Variants in PACC1 observed in about 807,000 individuals in gnomAD.
PACC1 encodes the protein proton activated chloride channel 1.
A neutral mutation model predicts 39.7 loss-of-function variants in PACC1; 34 were observed. The ratio of observed to expected loss-of-function variants is 0.86; its 90% CI spans 0.65 to 1.14. The LOEUF is 1.14. Ranked by LOEUF, PACC1 falls within the 50% of genes most tolerant of loss-of-function variation. The pLI, the probability that PACC1 is intolerant of heterozygous loss-of-function variation, is 0.00. For synonymous variants in PACC1, 127 were observed against 160.6 expected (o/e 0.79, Z 1.58); for missense variants, 379 against 436.4 (o/e 0.87, Z 1.17).
Position 212,385,133 on chromosome 1 carries a change from C to T in PACC1, c.495+141G>A. On this transcript the variant is annotated intron_variant, in intron 4 of 7. Transcript: ENST00000261455. Reference sequence around the variant, plus strand: ...ACCACAGCCAAGTGTCCACATGGCACAGCCGCATGTCTCCTTGGGGACTAA... The same window carrying T: ...ACCACAGCCAAGTGTCCACATGGCATAGCCGCATGTCTCCTTGGGGACTAA... 5.3e-6 allele frequency: 5 copies of T among 946,128 alleles called. No homozygotes were observed. The South Asian group carries it at 8.0e-5, about 15-fold the overall frequency. The allele number at this position is 946,128 out of a possible 1,614,324, so 58.6% of individuals were successfully genotyped here.
chr1:212,381,165 TG>T (rs1660865093), intron 4 of PACC1, among the ~76,000 whole-genome samples: 1 of 152,200 alleles, frequency 6.6e-6, no homozygotes, highest in African/African-American at 2.4e-5. Flanking sequence ...TGCTCTAAAG[TG>T]ATGGTATTTT....
At chr1:212,392,299 AG>A (rs2102511735) in intron 2 of PACC1, among the ~76,000 whole-genome samples, 1 of 152,392 alleles carries the variant, frequency 6.6e-6, no homozygotes, top group East Asian at 1.9e-4. Flanking sequence ...ACATTCTTAA[AG>A]AAAAGAATTT....
At chr1:212,412,586 G>C (rs995457785) in intron 1 of PACC1, among the ~76,000 whole-genome samples, 1 of 152,248 alleles carries the variant, frequency 6.6e-6, no homozygotes, top group Non-Finnish European at 1.5e-5. Flanking sequence ...ACAGGCCTCT[G>C]AAGAAGGCAA....
chr1:212,412,109 C>A (rs1045936939), intron 1 of PACC1, among the ~76,000 whole-genome samples: 6 of 151,772 alleles, frequency 4.0e-5, no homozygotes, highest in Non-Finnish European at 5.9e-5. Context: ...CCATTGCACT[C>A]CAGTCTGAGT....
chr1:212,403,534 C>A (rs1661791291), intron 2 of PACC1, among the ~76,000 whole-genome samples: 1 of 152,186 alleles, frequency 6.6e-6, no homozygotes, highest in Non-Finnish European at 1.5e-5. Flanking sequence ...GCCATCTCGA[C>A]TTCAACTGAC....
intron 1 of PACC1, among the ~76,000 whole-genome samples, 165 bp downstream of exon 1, chr1:212,414,557 G>C (rs1388342876): frequency 1.3e-5 from 2 of 152,142 alleles, no homozygotes; most frequent in African/African-American, 2.4e-5. Context: ...CCTGCCCCTG[G>C]GCCGCTCCTC....
At position 212,364,470 on chromosome 1, in the gene PACC1, C is replaced by G. The variant is rs1482291878; in HGVS notation, c.*745G>C. ...TTGAGCAGATATTCATATTGTCACA[C>G]TCGTTCCTTTTGTATTAACTTTTAT... On this transcript the variant is annotated 3_prime_UTR_variant, in exon 8 of 8. Transcript: ENST00000261455. 6.6e-6 allele frequency: 1 copy of G among 152,528 alleles called. No individual in the cohort carries two copies. Among genetic ancestry groups the G allele is most frequent in the Non-Finnish European group, 1.5e-5 (1 of 68,036 alleles). 9.4% of individuals were successfully genotyped at this position (152,528 alleles called of 1,614,324 possible).
intron 7 of PACC1, among the ~76,000 whole-genome samples, chr1:212,373,004 A>G (rs1660514101): frequency 6.6e-6 from 1 of 152,170 alleles, no homozygotes; most frequent in African/African-American, 2.4e-5. Context: ...TAGAAAAAAA[A>G]TCCTAAATTT....
rs929376369 is a variant in PACC1 at position 212,393,971 on chromosome 1, G to C, written c.134-6871C>G. ...TAGCTTACCAACCAAAAAAAGTCCA[G>C]GACCAGATGGATTCACAGCCGAATT... On this transcript the variant is annotated intron_variant, in intron 2 of 7. Coordinates refer to ENST00000261455, the MANE Select transcript of PACC1 (RefSeq NM_018252.3). 3.3e-5 allele frequency among the ~76,000 whole-genome samples: 5 copies of C among 151,884 alleles called. No individual in the cohort carries two copies. The East Asian group carries it at 7.7e-4, about 23-fold the overall frequency.
At position 212,414,798 on chromosome 1, in the gene PACC1, CCCGCGGCGCACGGACGCAGCACTGCGG is replaced by C. The variant is rs780229367; in HGVS notation, c.-68_-42del. 12 of 1,608,254 alleles carry C rather than the reference CCCGCGGCGCACGGACGCAGCACTGCGG, an allele frequency of 7.5e-6. No individual in the cohort carries two copies. In the East Asian group the frequency reaches 2.7e-4, roughly 36 times the overall value. On this transcript the variant is annotated 5_prime_UTR_variant, in exon 1 of 8. Transcript: ENST00000261455. ...TTCGGCACACCTGAGACCGCCCCAG[CCCGCGGCGCACGGACGCAGCACTGCGG>C]CCGCTGCACCTGGACCTACCGGCTC...
chr1:212,384,086 G>C (rs1201521805), intron 4 of PACC1, among the ~76,000 whole-genome samples: 1 of 152,098 alleles, frequency 6.6e-6, no homozygotes, highest in East Asian at 1.9e-4. Context: ...CATCTGTTTT[G>C]GGTTAGGGAT....
intron 4 of PACC1, among the ~76,000 whole-genome samples, chr1:212,381,606 T>C (rs1316697083): frequency 5.9e-5 from 9 of 151,710 alleles, no homozygotes; most frequent in Non-Finnish European, 1.3e-4. Context: ...AGGGGACTCA[T>C]TCAACTCCAC....
intron 2 of PACC1, among the ~76,000 whole-genome samples, chr1:212,409,855 A>G (rs1025009344): frequency 6.6e-6 from 1 of 152,228 alleles, no homozygotes; most frequent in Non-Finnish European, 1.5e-5. Context: ...GGGGCCTGCA[A>G]CCAACATTTC....
At chr1:212,380,581 A>G (rs1191831030) in intron 4 of PACC1, among the ~76,000 whole-genome samples, 1 of 152,158 alleles carries the variant, frequency 6.6e-6, no homozygotes, top group Non-Finnish European at 1.5e-5. Flanking sequence ...AGTGTGAAAT[A>G]GGGCTCTAAC....
chr1:212,391,800 A>AG (rs1238051647), intron 2 of PACC1, among the ~76,000 whole-genome samples: 1 of 152,252 alleles, frequency 6.6e-6, no homozygotes, highest in Non-Finnish European at 1.5e-5. Context: ...TGAATGCACA[A>AG]GCTTCAGTAG....
At chr1:212,395,161 G>A (rs979529927) in intron 2 of PACC1, among the ~76,000 whole-genome samples, 4 of 152,148 alleles carry the variant, frequency 2.6e-5, no homozygotes, top group Non-Finnish European at 4.4e-5. Context: ...AAAGCTGGAG[G>A]CATCACGCTA....
chr1:212,387,387 TAAAAG>T (rs1461328799), intron 2 of PACC1, among the ~76,000 whole-genome samples: 5 of 152,072 alleles, frequency 3.3e-5, no homozygotes, highest in African/African-American at 1.2e-4. Flanking sequence ...ATAAAAATGT[TAAAAG>T]AAAAAGCAAA....
intron 1 of PACC1, among the ~76,000 whole-genome samples, chr1:212,412,876 C>T (rs1373262650): frequency 6.6e-6 from 1 of 152,200 alleles, no homozygotes; most frequent in African/African-American, 2.4e-5. Flanking sequence ...GCGCTTTCCA[C>T]ACCAACTTAT....
At position 212,375,186 on chromosome 1, in the gene PACC1, TACTC is replaced by T. The variant is rs1292264599; in HGVS notation, c.891+3_891+6del. On this transcript the variant is annotated splice_donor_5th_base_variant and intron_variant, in intron 7 of 7. Transcript: ENST00000261455. The stretch of plus-strand genomic sequence containing the variant: ...TAAATAATACTATCATAATCTTAAA[TACTC>T]ACATCTTGGACTTTCTGGATGAAAG... 1.3e-6 allele frequency: 2 copies of T among 1,582,664 alleles called. No homozygotes were observed. Among genetic ancestry groups the T allele is most frequent in the Admixed American group, 1.7e-5 (1 of 59,958 alleles).
Sources: allele counts gnomAD v4.1 joint callset (sites outside exome capture counted in the v4.1 genomes callset), GRCh38; gene constraint gnomAD v4.1.1; transcripts MANE v1.5; gene names NCBI Gene and HGNC (gene_info 2026-07-23, HGNC 2026-07-21).